Variants in ALPK1 observed in about 807,000 individuals in gnomAD.
The protein encoded by ALPK1 is alpha-protein kinase 1.
Under a neutral mutation model 120.6 loss-of-function variants are expected in ALPK1, and 110 were observed. The ratio of observed to expected loss-of-function variants is 0.91; its 90% CI spans 0.78 to 1.07. The LOEUF (loss-of-function observed/expected upper bound fraction) is 1.07. Ranked by LOEUF, ALPK1 falls within the 50% of genes least tolerant of loss-of-function variation. The pLI is 0.00. For synonymous variants in ALPK1, 582 were observed against 560.3 expected, an observed-to-expected ratio of 1.04 and a Z score of -0.55; for missense variants, 1,498 against 1,483.9, an observed-to-expected ratio of 1.01 and a Z score of -0.16.
At chr4:112,404,488 G>A (rs574603136) in intron 4 of ALPK1, among the ~76,000 whole-genome samples, 10 of 152,320 alleles carry the variant, frequency 6.6e-5, no homozygotes, top group South Asian at 4.1e-4. Flanking sequence ...GTAACTTGCC[G>A]TGGCAAATAA....
intron 5 of ALPK1, among the ~76,000 whole-genome samples, chr4:112,413,300 G>C (rs916779019): frequency 1.3e-4 from 20 of 152,208 alleles, no homozygotes; most frequent in Admixed American, 5.9e-4. Context: ...AGTTAATGTA[G>C]CATATTTTGT....
intron 2 of ALPK1, among the ~76,000 whole-genome samples, chr4:112,316,654 T>A (rs919345834): frequency 3.3e-5 from 5 of 152,246 alleles, no homozygotes; most frequent in Non-Finnish European, 5.9e-5. Flanking sequence ...GATTTTTTCA[T>A]GGCAGCCATC....
At chr4:112,317,887 C>T (rs1371615124) in intron 2 of ALPK1, among the ~76,000 whole-genome samples, 1 of 152,102 alleles carries the variant, frequency 6.6e-6, no homozygotes, top group Non-Finnish European at 1.5e-5. Context: ...TATCCAAGCA[C>T]TTCACAAACA....
chr4:112,316,582 A>G (rs2110539094), intron 2 of ALPK1, among the ~76,000 whole-genome samples: 1 of 152,312 alleles, frequency 6.6e-6, no homozygotes, highest in Non-Finnish European at 1.5e-5. Flanking sequence ...GAACTGCCGT[A>G]CAGTGACAAT....
intron 1 of ALPK1, among the ~76,000 whole-genome samples, chr4:112,300,979 C>T (rs1460297269): frequency 6.6e-6 from 1 of 152,094 alleles, no homozygotes; most frequent in African/African-American, 2.4e-5. Flanking sequence ...ATAATATGCA[C>T]CCAAAATATC....
chr4:112,355,853 C>T (rs142661939), intron 2 of ALPK1, among the ~76,000 whole-genome samples: 1 of 152,356 alleles, frequency 6.6e-6, no homozygotes, highest in Non-Finnish European at 1.5e-5. Flanking sequence ...CCTCAGTCCG[C>T]GAAGTCTGAA....
At chr4:112,404,114 C>T (rs532087689) in intron 4 of ALPK1, among the ~76,000 whole-genome samples, 4 of 152,270 alleles carry the variant, frequency 2.6e-5, no homozygotes, top group South Asian at 2.1e-4. Context: ...CATCAATCCT[C>T]GGAGTTGGTG....
intron 2 of ALPK1, among the ~76,000 whole-genome samples, chr4:112,342,546 G>A (rs1489258364): frequency 6.6e-6 from 1 of 152,094 alleles, no homozygotes; most frequent in African/African-American, 2.4e-5. Flanking sequence ...TTTAAAGCAT[G>A]ACCTCAGGCT....
At chr4:112,413,511 G>A (rs2148750495) in intron 5 of ALPK1, among the ~76,000 whole-genome samples, 1 of 152,224 alleles carries the variant, frequency 6.6e-6, no homozygotes, top group South Asian at 2.1e-4. Context: ...CTCGACTTCT[G>A]GGGCTCAGGT....
In ALPK1 at chr4:112,426,543, G is replaced by A. The variant is rs757781434; in HGVS notation, c.699G>A (p.Lys233=). The change falls in exon 8 of 16, where the codon AAG becomes AAA. Residue 233 remains lysine (K), a splice_region_variant and synonymous_variant. Transcript: ENST00000650871. ...TGGCACTTCCTCAGCCGGATAAAAA[G>A]GTGGTTTGTCTAGTGCTTCTTTTTC... ...GYLALPQPDK[K]GLSTSLGILA... The A allele has an allele frequency of 1.5e-5, 23 of 1,568,408 alleles. No homozygotes were observed. In the African/African-American group the frequency reaches 2.6e-4, roughly 18 times the overall value.
At chr4:112,327,311 A>C (rs1157104410) in intron 2 of ALPK1, among the ~76,000 whole-genome samples, 3 of 152,224 alleles carry the variant, frequency 2.0e-5, no homozygotes, top group Non-Finnish European at 2.9e-5. Flanking sequence ...ACAAGACTTC[A>C]TAAATTTGGC....
chr4:112,331,638 A>T (rs1196533143), intron 2 of ALPK1, among the ~76,000 whole-genome samples: 1 of 152,268 alleles, frequency 6.6e-6, no homozygotes, highest in African/African-American at 2.4e-5. Flanking sequence ...ATGCATAAAC[A>T]TCAGTAAATC....
Position 112,377,868 on chromosome 4 carries a change from G to A in ALPK1, c.91G>A (p.Glu31Lys), listed in dbSNP as rs1169627507. 1.9e-6 allele frequency: 3 copies of A among 1,613,406 alleles called. No homozygotes were observed. Among genetic ancestry groups the A allele is most frequent in the East Asian group, 2.2e-5 (1 of 44,836 alleles). The change falls in exon 3 of 16, where the codon GAG becomes AAG. Residue 31 changes from glutamate (E) to lysine (K), a missense_variant. Coordinates refer to ENST00000650871, the MANE Select transcript of ALPK1 (RefSeq NM_025144.4). ...LLLEAPDVSEEDKSEDQRCRA... is the reference protein window; with the variant it reads ...LLLEAPDVSEKDKSEDQRCRA... ...GTTGGAAGCGCCAGATGTGTCGGAA[G>A]AGGACAAGAGCGAGGACCAGCGCTG... is the stretch of plus-strand genomic sequence containing the variant.
At chr4:112,425,550 G>A (rs760990282) in intron 6 of ALPK1, 115 bp from the exon 7 acceptor site, 65 of 831,720 alleles carry the variant, frequency 7.8e-5, no homozygotes, top group Middle Eastern at 3.3e-4. Flanking sequence ...ATGTAGAGAC[G>A]AGATTGTTTC....
chr4:112,379,151 C>G (rs889885710), intron 3 of ALPK1, among the ~76,000 whole-genome samples: 2 of 152,224 alleles, frequency 1.3e-5, no homozygotes, highest in Admixed American at 6.5e-5. Context: ...TTTGTCTCCT[C>G]AGCCAAATTC....
intron 4 of ALPK1, among the ~76,000 whole-genome samples, chr4:112,409,193 A>C (rs1448238683): frequency 1.3e-5 from 2 of 152,150 alleles, no homozygotes; most frequent in East Asian, 3.9e-4. Flanking sequence ...AGCTACTCTC[A>C]ATCCAGTGGC....
chr4:112,382,320 G>A lies in ALPK1; in HGVS notation c.122-78G>A, dbSNP rs1436085097. The A allele has an allele frequency of 2.6e-5, 31 of 1,174,638 alleles. No homozygotes were observed. In the South Asian group the frequency reaches 3.8e-4, roughly 14 times the overall value. The allele number at this position is 1,174,638 out of a possible 1,614,324, so 72.8% of individuals were successfully genotyped here. A position where few individuals can be genotyped will look rare whatever the true frequency, so the allele number is the denominator to read the frequency against. On this transcript the variant is annotated intron_variant, in intron 3 of 15. Coordinates refer to ENST00000650871, the MANE Select transcript of ALPK1 (RefSeq NM_025144.4). ...TTTTTTTTTTTTTTTTGCCACTGAGGTGCTTCATCATAACATTGGTAGCTC... is the reference window on the plus strand; with the variant it reads ...TTTTTTTTTTTTTTTTGCCACTGAGATGCTTCATCATAACATTGGTAGCTC...
chr4:112,339,342 T>C (rs1378430031), intron 2 of ALPK1, among the ~76,000 whole-genome samples: 1 of 152,252 alleles, frequency 6.6e-6, no homozygotes, highest in African/African-American at 2.4e-5. Context: ...TGCTTTGATA[T>C]CATAGGACAA....
At chr4:112,304,650 GC>G (rs1246571365) in intron 1 of ALPK1, among the ~76,000 whole-genome samples, 2 of 151,878 alleles carry the variant, frequency 1.3e-5, no homozygotes, top group Non-Finnish European at 2.9e-5. Context: ...CTGGATATTA[GC>G]CCTTTGTCAA....
Sources: gnomAD v4.1 joint callset for allele counts (sites outside exome capture counted in the v4.1 genomes callset) on GRCh38, gnomAD v4.1.1 for gene constraint, MANE v1.5 for transcripts, NCBI Gene and HGNC (gene_info 2026-07-23, HGNC 2026-07-21) for gene names.